NRG3: variants seen among roughly 807,000 people sequenced by gnomAD.
NRG3 encodes the protein neuregulin 3.
In NRG3, 31 loss-of-function variants were observed where a neutral mutation model predicts 66.9. The observed-to-expected ratio is 0.46, with a 90% confidence interval of 0.35 to 0.63. NRG3 has a LOEUF of 0.63. Among genes scored for constraint, NRG3 ranks in the 20% least tolerant of loss-of-function variants. The pLI, the probability that NRG3 is intolerant of heterozygous loss-of-function variation, is 0.00. For synonymous variants in NRG3, 393 were observed against 359.4 expected (o/e 1.09, Z -1.06); for missense variants, 910 against 878.9 (o/e 1.04, Z -0.45).
rs2045789385 is a variant in NRG3, at chr10:82,572,380, G to A, written c.954-166197G>A. Among the ~76,000 whole-genome samples the A allele has an allele frequency of 2.0e-5, 3 of 151,540 alleles. No homozygotes were observed. In the South Asian group the frequency reaches 6.2e-4, roughly 31 times the overall value. ...AAAAAATCATTATTCTACATTAACA[G>A]TTGATTTTGGAGGTACTTAGTAAAG... On this transcript the variant is annotated intron_variant, in intron 2 of 8. Transcript: ENST00000372141.
At chr10:81,935,477 T>G (rs1422301613) in intron 1 of NRG3, among the ~76,000 whole-genome samples, 1 of 152,122 alleles carries the variant, frequency 6.6e-6, no homozygotes, top group Admixed American at 6.6e-5. Context: ...CTGAGAAACT[T>G]TAGAGTCAGG....
chr10:82,715,921 G>A (rs1368020756), intron 2 of NRG3, among the ~76,000 whole-genome samples: 1 of 151,992 alleles, frequency 6.6e-6, no homozygotes, highest in African/African-American at 2.4e-5. Context: ...AAAGACAGGG[G>A]GCTAGCTCTC....
chr10:82,289,324 C>G (rs1475596595), intron 1 of NRG3, among the ~76,000 whole-genome samples: 6 of 151,922 alleles, frequency 3.9e-5, no homozygotes, highest in African/African-American at 1.4e-4. Flanking sequence ...AAATCCCTTC[C>G]CTCCTTCAGC....
chr10:82,373,781 T>C (rs2085043394), intron 2 of NRG3, among the ~76,000 whole-genome samples: 1 of 152,238 alleles, frequency 6.6e-6, no homozygotes, highest in Non-Finnish European at 1.5e-5. Context: ...AGCCTTATTT[T>C]CTTTGACAAG....
At chr10:82,926,739 G>A (rs145017911) in intron 4 of NRG3, among the ~76,000 whole-genome samples, 406 of 152,288 alleles carry the variant, frequency 2.7e-3, no homozygotes, top group African/African-American at 9.4e-3. Context: ...AAATTAACAA[G>A]TTTCTAACTT....
At chr10:82,899,693 C>T (rs572974133) in intron 4 of NRG3, among the ~76,000 whole-genome samples, 3 of 152,106 alleles carry the variant, frequency 2.0e-5, no homozygotes, top group African/African-American at 4.8e-5. Context: ...CAGTCATTGA[C>T]GATGATTGCT....
intron 4 of NRG3, among the ~76,000 whole-genome samples, chr10:82,884,600 G>A (rs1591825993): frequency 6.6e-6 from 1 of 152,106 alleles, no homozygotes; most frequent in African/African-American, 2.4e-5. Flanking sequence ...TAAAATTGAC[G>A]CTATACTATT....
At chr10:82,666,832 C>T (rs1048852615) in intron 2 of NRG3, among the ~76,000 whole-genome samples, 2 of 152,136 alleles carry the variant, frequency 1.3e-5, no homozygotes, top group Non-Finnish European at 2.9e-5. Context: ...CTTCGTATTC[C>T]AGCCATGTGT....
rs185460955 is a variant in NRG3, at chr10:82,405,839, T to C, written c.953+46971T>C. On this transcript the variant is annotated intron_variant, in intron 2 of 8. Transcript: ENST00000372141. ...CGCAAATGATTGGACCCTGAGTAGA[T>C]TGGCAAGTTAACTTACAGAACTAGG... 5.3e-5 allele frequency among the ~76,000 whole-genome samples: 8 copies of C among 152,296 alleles called. No homozygotes were observed. The East Asian group carries it at 1.5e-3, about 29-fold the overall frequency.
chr10:82,871,959 A>T (rs560267639), intron 4 of NRG3, among the ~76,000 whole-genome samples: 1 of 152,230 alleles, frequency 6.6e-6, no homozygotes, highest in Admixed American at 6.5e-5. Flanking sequence ...GAAAAAGAAC[A>T]ATGAAAGGGG....
intron 4 of NRG3, among the ~76,000 whole-genome samples, chr10:82,936,794 G>A (rs1848114340): frequency 6.6e-6 from 1 of 152,082 alleles, no homozygotes; most frequent in South Asian, 2.1e-4. Context: ...AGCAAGTAGA[G>A]GAAGACAACT....
Position 82,827,108 on chromosome 10 carries a change from T to C in NRG3, c.1028-38303T>C, listed in dbSNP as rs545538583. On this transcript the variant is annotated intron_variant, in intron 3 of 8. Transcript: ENST00000372141. ...AGAAAAAAGCTTGAAAAATAACTCT[T>C]GATATTGAGAATTTTAACAGTGAGA... 2.7e-4 allele frequency: 91 copies of C among 335,622 alleles called. 1 individual carries two copies. The Admixed American group carries it at 3.0e-3, about 11-fold the overall frequency. 20.8% of individuals were successfully genotyped at this position (335,622 alleles called of 1,614,324 possible).
chr10:82,817,155 C>G (rs1328212627), intron 3 of NRG3, among the ~76,000 whole-genome samples: 2 of 152,174 alleles, frequency 1.3e-5, no homozygotes, highest in Non-Finnish European at 2.9e-5. Context: ...TTCAGCAATT[C>G]TACTGATGGC....
Position 82,321,983 on chromosome 10 carries a change from G to A in NRG3, c.824-36756G>A, listed in dbSNP as rs577016867. On this transcript the variant is annotated intron_variant, in intron 1 of 8. Transcript: ENST00000372141. ...TGAGGTCAATGACAGCTCTGAAAATGACATGTTGCCATAGTGGTAAGAAAA... is the reference window on the plus strand; with the variant it reads ...TGAGGTCAATGACAGCTCTGAAAATAACATGTTGCCATAGTGGTAAGAAAA... Among the ~76,000 whole-genome samples the A allele has an allele frequency of 5.9e-5, 9 of 152,282 alleles. No individual in the cohort carries two copies. In the South Asian group the frequency reaches 6.2e-4, roughly 11 times the overall value.
At chr10:82,705,335 C>T (rs921237465) in intron 2 of NRG3, among the ~76,000 whole-genome samples, 1 of 152,148 alleles carries the variant, frequency 6.6e-6, no homozygotes, top group Admixed American at 6.5e-5. Context: ...GCTAACACTG[C>T]TGGTCCTTAA....
At chr10:82,084,188 A>G (rs573305062) in intron 1 of NRG3, among the ~76,000 whole-genome samples, 219 of 152,186 alleles carry the variant, frequency 1.4e-3, no homozygotes, top group African/African-American at 5.1e-3. Context: ...AGATTGCGCC[A>G]CTGCACTCCA....
At chr10:82,206,156 C>T (rs1028444962) in intron 1 of NRG3, among the ~76,000 whole-genome samples, 1 of 152,160 alleles carries the variant, frequency 6.6e-6, no homozygotes, top group Non-Finnish European at 1.5e-5. Context: ...CCACCTTAAT[C>T]TCTCCTGCTT....
intron 2 of NRG3, among the ~76,000 whole-genome samples, chr10:82,558,018 C>T (rs879444682): frequency 5.9e-5 from 9 of 152,230 alleles, no homozygotes; most frequent in Non-Finnish European, 1.2e-4. Context: ...GGAGGAAGGT[C>T]CTTTCTCCAC....
At chr10:82,367,556 TA>T (rs1241863464) in intron 2 of NRG3, among the ~76,000 whole-genome samples, 1 of 152,104 alleles carries the variant, frequency 6.6e-6, no homozygotes, top group African/African-American at 2.4e-5. Flanking sequence ...AAAAGATAAA[TA>T]TTTTTTAAAG....
Sources: allele counts gnomAD v4.1 joint callset (sites outside exome capture counted in the v4.1 genomes callset), GRCh38; gene constraint gnomAD v4.1.1; transcripts MANE v1.5; gene names NCBI Gene and HGNC (gene_info 2026-07-23, HGNC 2026-07-21).